The following DHRS3 variants were observed in gnomAD, a reference collection of about 807,000 sequenced individuals.
The protein encoded by DHRS3 is dehydrogenase/reductase 3, also known as short-chain dehydrogenase/reductase 3.
DHRS3 carries 14 observed loss-of-function variants against 27.2 expected under a neutral mutation model. That is an observed-to-expected ratio of 0.52 (90% CI 0.34 to 0.81). DHRS3 has a LOEUF of 0.81. Among genes scored for constraint, DHRS3 ranks in the 30% least tolerant of loss-of-function variants. The probability of loss-of-function intolerance (pLI) is 0.01; values close to 1 mark genes in which losing one functional copy is unlikely to be tolerated. For missense variants in DHRS3, 322 were observed against 406.2 expected, an observed-to-expected ratio of 0.79 and a Z score of 1.78; for synonymous variants, 165 against 175.9, an observed-to-expected ratio of 0.94 and a Z score of 0.49.
At position 12,580,530 on chromosome 1, in the gene DHRS3, C is replaced by T. The variant is rs780452213; in HGVS notation, c.332G>A (p.Arg111Gln). The T allele has an allele frequency of 5.2e-5, 84 of 1,614,064 alleles. No individual in the cohort carries two copies. In the East Asian group the frequency reaches 1.3e-3, roughly 24 times the overall value. Reference protein sequence around the residue: ...EEVYQTAKAVREKVGDITILV... With the variant: ...EEVYQTAKAVQEKVGDITILV... Reference sequence around the variant, plus strand: ...CCCTCCCAGGCTACAGACCTTCTCCCGGACGGCCTTGGCCGTCTGGTACAC... The same window carrying T: ...CCCTCCCAGGCTACAGACCTTCTCCTGGACGGCCTTGGCCGTCTGGTACAC... The change falls in exon 2 of 6, where the codon CGG becomes CAG. Residue 111 changes from arginine (R) to glutamine (Q), a missense_variant. Coordinates refer to ENST00000616661, the MANE Select transcript of DHRS3 (RefSeq NM_004753.7).
In DHRS3 at chr1:12,568,347, C is replaced by A. The variant is rs753987334; in HGVS notation, c.902G>T (p.Arg301Leu). 5.2e-5 allele frequency: 84 copies of A among 1,613,588 alleles called. 1 individual carries two copies. Among genetic ancestry groups the A allele is most frequent in the Non-Finnish European group, 7.0e-5 (83 of 1,179,664 alleles). ...CATGTCTTCATCCTGTCTCTATGTCCGCCCTTTGAAAGTGTTCATGCAGGT... is the reference window on the plus strand; with the variant it reads ...CATGTCTTCATCCTGTCTCTATGTCAGCCCTTTGAAAGTGTTCATGCAGGT... ...TYTCMNTFKG[R>L]T Residue 301 changes from arginine to leucine, a missense_variant, in exon 6 of 6, where the codon CGG (arginine) becomes CTG (leucine). By Grantham distance (102) the Arg-to-Leu change is moderately radical. Transcript: ENST00000616661.
At chr1:12,571,748 G>T (rs1343511330) in intron 5 of DHRS3, among the ~76,000 whole-genome samples, 1 of 152,008 alleles carries the variant, frequency 6.6e-6, no homozygotes, top group Admixed American at 6.6e-5. Flanking sequence ...TGGTCAGGCT[G>T]GTCTCGAACT....
In DHRS3 at chr1:12,572,772, G is replaced by T. The variant is rs566879645; in HGVS notation, c.780C>A (p.Leu260=). ...TVEAVQLNQA[L]LLLPWTMHAL... ...CATGCATTGTCCATGGGAGGAGGAG[G>T]AGGGCCTGGTTGAGCTGCACAGCTT... The change falls in exon 5 of 6, where the codon CTC becomes CTA. Residue 260 remains leucine, a synonymous_variant. Transcript: ENST00000616661. The T allele has an allele frequency of 4.3e-6, 7 of 1,611,684 alleles. No individual in the cohort carries two copies. In the South Asian group the frequency reaches 7.8e-5, roughly 18 times the overall value.
In DHRS3 at chr1:12,572,420, T is replaced by C. The variant is rs1007371224; in HGVS notation, c.824+308A>G. ...CTCTTGACCTCGTGATCCACCTGCC[T>C]CGGCCTCCCAAAGTGCTAGGATTAC... On this transcript the variant is annotated intron_variant, in intron 5 of 5. Transcript: ENST00000616661. Among the ~76,000 whole-genome samples, 15 of 152,328 alleles carry C rather than the reference T, an allele frequency of 9.8e-5. 1 individual carries two copies. The highest frequency in any genetic ancestry group is 2.9e-4 in the African/African-American group (12 of 41,578).
chr1:12,585,211 A>ATCTGTGTGTGTCTCTGTGAGTGTG (rs1553139829), intron 1 of DHRS3, among the ~76,000 whole-genome samples: 1 of 140,178 alleles, frequency 7.1e-6, no homozygotes, highest in East Asian at 2.1e-4. Flanking sequence ...GTGTCTGTGT[A>ATCTGTGTGTGTCTCTGTGAGTGTG]TCTCTGTGTG....
chr1:12,571,779 C>A (rs1245843478), intron 5 of DHRS3, among the ~76,000 whole-genome samples: 3 of 152,242 alleles, frequency 2.0e-5, no homozygotes, highest in Admixed American at 2.0e-4. Context: ...GGTGATCCAC[C>A]CACCTCGGCC....
Position 12,617,201 on chromosome 1 carries a change from T to C in DHRS3, c.148A>G (p.Ile50Val). 6.2e-7 allele frequency: 1 copy of C among 1,613,226 alleles called. No individual in the cohort carries two copies. The highest frequency in any genetic ancestry group is 8.5e-7 in the Non-Finnish European group (1 of 1,179,870). The change falls in exon 1 of 6, where the codon ATC becomes GTC. Residue 50 changes from isoleucine to valine, a missense_variant. By Grantham distance (29) the Ile-to-Val change is conservative. Coordinates refer to ENST00000616661, the MANE Select transcript of DHRS3 (RefSeq NM_004753.7). ...NVLITGGGRGIGRQLAREFAE... is the reference protein window; with the variant it reads ...NVLITGGGRGVGRQLAREFAE... ...AACTCGCGGGCGAGCTGACGCCCGA[T>C]GCCTCTCCCGCCGCCGGTGATGAGG...
rs201442497 is a variant in DHRS3, at chr1:12,610,074, T to TTTTA, written c.195+7076_195+7079dup. ...CTTATAATGACAATTCAATGTTCTG[T>TTTTA]TTTATTTATTTATTTATTTTTTGAG... On this transcript the variant is annotated intron_variant, in intron 1 of 5. Coordinates refer to ENST00000616661, the MANE Select transcript of DHRS3 (RefSeq NM_004753.7). 7.2e-3 allele frequency among the ~76,000 whole-genome samples: 1,100 copies of TTTTA among 152,076 alleles called. 9 individuals are homozygous for TTTTA. Among genetic ancestry groups the TTTTA allele is most frequent in the African/African-American group, 0.025 (1,031 of 41,458 alleles).
chr1:12,581,164 A>G (rs1006334372), intron 1 of DHRS3, among the ~76,000 whole-genome samples: 1 of 152,200 alleles, frequency 6.6e-6, no homozygotes, highest in African/African-American at 2.4e-5. Context: ...ATCTACTTTT[A>G]AGTGAACCAG....
chr1:12,593,439 A>G lies in DHRS3; in HGVS notation c.196-12773T>C, dbSNP rs181247112. On this transcript the variant is annotated intron_variant, in intron 1 of 5. Transcript: ENST00000616661. The surrounding 1 kb of genome is among the most constrained non-coding windows in gnomAD (Gnocchi z 4.6). ...GGCTGGTCTTGAACTCCTGGCTTCA[A>G]GTGATCCTCCTGCCTCAGTCTCCCA... Among the ~76,000 whole-genome samples, 365 of 152,110 alleles carry G rather than the reference A, an allele frequency of 2.4e-3. 3 individuals carry two copies. The highest frequency in any genetic ancestry group is 0.019 in the Admixed American group (297 of 15,282).
At chr1:12,599,252 G>C (rs1646819762) in intron 1 of DHRS3, among the ~76,000 whole-genome samples, 1 of 152,272 alleles carries the variant, frequency 6.6e-6, no homozygotes, top group African/African-American at 2.4e-5. Context: ...GGATTCAGAG[G>C]AAGCGGGACA....
chr1:12,590,260 T>C (rs1476149234), intron 1 of DHRS3, among the ~76,000 whole-genome samples: 1 of 152,090 alleles, frequency 6.6e-6, no homozygotes, highest in Non-Finnish European at 1.5e-5. Context: ...AGGCTTCTCC[T>C]CACTCCTGCC....
chr1:12,617,523 A>C lies in DHRS3; in HGVS notation c.-175T>G. The C allele has an allele frequency of 6.9e-6, 3 of 433,378 alleles. No individual in the cohort carries two copies. The highest frequency in any genetic ancestry group is 1.2e-5 in the Non-Finnish European group (3 of 256,980). The allele number at this position is 433,378 out of a possible 1,614,324, so 26.8% of individuals were successfully genotyped here. On this transcript the variant is annotated 5_prime_UTR_variant, in exon 1 of 6. Coordinates refer to ENST00000616661, the MANE Select transcript of DHRS3 (RefSeq NM_004753.7). Reference sequence around the variant, plus strand: ...GCAAAGCACCGGGTGAGAAAAAGAAAAAAAAAAAAAAAAAAAAGATAAATT... The same window carrying C: ...GCAAAGCACCGGGTGAGAAAAAGAACAAAAAAAAAAAAAAAAAGATAAATT...
chr1:12,599,353 C>T (rs1028637332), intron 1 of DHRS3, among the ~76,000 whole-genome samples: 4 of 152,336 alleles, frequency 2.6e-5, no homozygotes, highest in South Asian at 4.1e-4. Context: ...CCAGTTGAGG[C>T]GGGAATTTTC....
In DHRS3 at chr1:12,586,273, C is replaced by G. The variant is rs1269753567; in HGVS notation, c.196-5607G>C. Among the ~76,000 whole-genome samples the G allele has an allele frequency of 6.6e-6, 1 of 152,220 alleles. No homozygotes were observed. Among genetic ancestry groups the G allele is most frequent in the African/African-American group, 2.4e-5 (1 of 41,450 alleles). On this transcript the variant is annotated intron_variant, in intron 1 of 5. Coordinates refer to ENST00000616661, the MANE Select transcript of DHRS3 (RefSeq NM_004753.7). This position sits in a 1 kb window ranked among gnomAD's most constrained non-coding sequence, Gnocchi z 5.0. ...GTTAAGTAACTCACCCCACGCCACC[C>G]ACTGTGAAACAGGATTTGAACCCAG...
chr1:12,572,733 C>T lies in DHRS3; in HGVS notation c.819G>A (p.Leu273=), dbSNP rs1362347712. ...GTTCTTTCCCAGCCCCATACCTTTTCAAGATAACGAGGGCATGCATTGTCC... is the reference window on the plus strand; with the variant it reads ...GTTCTTTCCCAGCCCCATACCTTTTTAAGATAACGAGGGCATGCATTGTCC... ...LPWTMHALVI[L]KSILPQAALE... Residue 273 remains leucine, a synonymous_variant, in exon 5 of 6, where the codon TTG becomes TTA. Coordinates refer to ENST00000616661, the MANE Select transcript of DHRS3 (RefSeq NM_004753.7). 6.9e-6 allele frequency: 11 copies of T among 1,599,610 alleles called. No homozygotes were observed. The highest frequency in any genetic ancestry group is 9.4e-6 in the Non-Finnish European group (11 of 1,173,006).
Position 12,579,321 on chromosome 1 carries a change from T to A in DHRS3, c.431A>T (p.Gln144Leu). The change falls in exon 3 of 6, where the codon CAA becomes CTA. Residue 144 changes from glutamine to leucine, a missense_variant. By Grantham distance (113) the Gln-to-Leu change is moderately radical (BLOSUM62 -2). Transcript: ENST00000616661. ...DSDDDALLKSQHINTLGQFWT... is the reference protein window; with the variant it reads ...DSDDDALLKSLHINTLGQFWT... ...GAACTGGCCCAGGGTGTTGATGTGT[T>A]GGGACTTGAGGAGGGCATCATCATC... 6.2e-7 allele frequency: 1 copy of A among 1,614,184 alleles called. No homozygotes were observed. Among genetic ancestry groups the A allele is most frequent in the Non-Finnish European group, 8.5e-7 (1 of 1,180,022 alleles).
intron 1 of DHRS3, among the ~76,000 whole-genome samples, chr1:12,610,774 A>G (rs1178679696): frequency 6.6e-6 from 1 of 152,204 alleles, no homozygotes; most frequent in Admixed American, 6.5e-5. Flanking sequence ...CATCTGAATA[A>G]TATGTTTGAA....
chr1:12,572,680 A>G lies in DHRS3; in HGVS notation c.824+48T>C, dbSNP rs1054297240. The G allele has an allele frequency of 6.4e-6, 10 of 1,553,236 alleles. No homozygotes were observed. In the African/African-American group the frequency reaches 1.2e-4, roughly 19 times the overall value. On this transcript the variant is annotated intron_variant, in intron 5 of 5. Coordinates refer to ENST00000616661, the MANE Select transcript of DHRS3 (RefSeq NM_004753.7). Reference sequence around the variant, plus strand: ...CCGCAGCAGACATGACTAATAGATCACATGCGTACTTTCCCCTGACCCAGA... The same window carrying G: ...CCGCAGCAGACATGACTAATAGATCGCATGCGTACTTTCCCCTGACCCAGA...
Sources: gnomAD v4.1 joint callset for allele counts (sites outside exome capture counted in the v4.1 genomes callset) on GRCh38, gnomAD v4.1.1 for gene constraint, Gnocchi (gnomAD v3.1) non-coding constraint, MANE v1.5 for transcripts, NCBI Gene and HGNC (gene_info 2026-07-23, HGNC 2026-07-21) for gene names.